Variants in CFAP299 observed in about 807,000 individuals in gnomAD.
CFAP299 encodes the protein cilia- and flagella-associated protein 299.
Under a neutral mutation model 27.0 loss-of-function variants are expected in CFAP299, and 21 were observed. The ratio of observed to expected loss-of-function variants is 0.78; its 90% CI spans 0.55 to 1.12. The LOEUF is 1.12. Ranked by LOEUF, CFAP299 falls within the 50% of genes most tolerant of loss-of-function variation. The pLI, the probability that CFAP299 is intolerant of heterozygous loss-of-function variation, is 0.00. For missense variants in CFAP299, 310 were observed against 276.6 expected (o/e 1.12, Z -0.86); for synonymous variants, 104 against 98.1 (o/e 1.06, Z -0.36).
At chr4:80,925,877 A>G (rs981981884) in intron 4 of CFAP299, among the ~76,000 whole-genome samples, 4 of 152,094 alleles carry the variant, frequency 2.6e-5, no homozygotes, top group Non-Finnish European at 4.4e-5. Context: ...AAATAGTCCA[A>G]TAAGGTGTTG....
At chr4:80,516,188 T>C (rs1440091328) in intron 2 of CFAP299, among the ~76,000 whole-genome samples, 3 of 151,850 alleles carry the variant, frequency 2.0e-5, no homozygotes, top group East Asian at 1.9e-4. Flanking sequence ...GCCTGGCTAA[T>C]GTTTGTATTT....
chr4:80,621,140 AC>A (rs1352328400), intron 3 of CFAP299, among the ~76,000 whole-genome samples: 4 of 152,076 alleles, frequency 2.6e-5, no homozygotes, highest in African/African-American at 9.7e-5. Context: ...TTAGTATATA[AC>A]AAAAAATAGA....
chr4:80,387,220 CG>C (rs1725062862), intron 2 of CFAP299: 5 of 1,445,180 alleles, frequency 3.5e-6, no homozygotes, highest in African/African-American at 1.4e-5. Flanking sequence ...GGTCGTACAT[CG>C]GGGGTAAGTC....
chr4:80,388,252 G>T, intron 2 of CFAP299: 2 of 691,084 alleles, frequency 2.9e-6, no homozygotes, highest in Non-Finnish European at 5.4e-6. Context: ...GCGGGCCCTA[G>T]GGCATGGGCT....
intron 2 of CFAP299, among the ~76,000 whole-genome samples, chr4:80,397,023 G>A (rs1289811523): frequency 1.3e-5 from 2 of 152,012 alleles, no homozygotes; most frequent in Admixed American, 6.6e-5. Context: ...ACTTTTTTTG[G>A]TTGGTAGGCT....
At chr4:80,673,167 A>G (rs913322852) in intron 3 of CFAP299, among the ~76,000 whole-genome samples, 4 of 152,060 alleles carry the variant, frequency 2.6e-5, no homozygotes, top group African/African-American at 9.7e-5. Flanking sequence ...ACTTCCCTCT[A>G]CACACTGTTT....
chr4:80,935,422 T>C (rs888539014), intron 4 of CFAP299, among the ~76,000 whole-genome samples: 6 of 152,148 alleles, frequency 3.9e-5, no homozygotes, highest in Admixed American at 2.6e-4. Flanking sequence ...ACTGTGACTA[T>C]CTTATCTTTG....
At chr4:80,574,323 ATTTG>A (rs1422412873) in intron 2 of CFAP299, among the ~76,000 whole-genome samples, 13 of 152,238 alleles carry the variant, frequency 8.5e-5, no homozygotes, top group African/African-American at 2.9e-4. Flanking sequence ...ACATTACTGA[ATTTG>A]TTTATCAGTT....
chr4:80,835,465 G>A (rs1730512864), intron 3 of CFAP299, among the ~76,000 whole-genome samples: 1 of 149,654 alleles, frequency 6.7e-6, no homozygotes. Context: ...ACACAACTGA[G>A]TATAGCACCC....
intron 5 of CFAP299, among the ~76,000 whole-genome samples, chr4:80,952,792 C>T (rs776444938): frequency 4.7e-4 from 72 of 152,160 alleles, no homozygotes; most frequent in Middle Eastern, 3.4e-3. Context: ...GCAACCCCCA[C>T]GCAAGCACTT....
At chr4:80,652,835 A>G (rs1275497618) in intron 3 of CFAP299, among the ~76,000 whole-genome samples, 1 of 152,108 alleles carries the variant, frequency 6.6e-6, no homozygotes, top group Non-Finnish European at 1.5e-5. Flanking sequence ...CCCCAGCGTC[A>G]TACAAATAAA....
chr4:80,642,482 T>G (rs1739774367), intron 3 of CFAP299, among the ~76,000 whole-genome samples: 1 of 152,090 alleles, frequency 6.6e-6, no homozygotes, highest in South Asian at 2.1e-4. Context: ...ACAAAAATAG[T>G]TGGCCAGGCG....
chr4:80,904,829 A>G (rs1006593289), intron 4 of CFAP299, among the ~76,000 whole-genome samples: 1 of 152,200 alleles, frequency 6.6e-6, no homozygotes, highest in African/African-American at 2.4e-5. Flanking sequence ...TCAAACTGGT[A>G]TTTCTTCTCC....
At position 80,706,997 on chromosome 4, in the gene CFAP299, C is replaced by A. The variant is rs189642246; in HGVS notation, c.333+123814C>A. 5.9e-5 allele frequency among the ~76,000 whole-genome samples: 9 copies of A among 152,046 alleles called. 1 individual carries two copies. Among genetic ancestry groups the A allele is most frequent in the Non-Finnish European group, 1.3e-4 (9 of 67,880 alleles). Reference sequence around the variant, plus strand: ...CAATAGGGAACACTGCCTCAAGTTGCCAATAAAGGCTTTGTAGGACTGTTG... The same window carrying A: ...CAATAGGGAACACTGCCTCAAGTTGACAATAAAGGCTTTGTAGGACTGTTG... On this transcript the variant is annotated intron_variant, in intron 3 of 5. Transcript: ENST00000358105.
intron 1 of CFAP299, 132 bp downstream of exon 1, chr4:80,336,011 G>A (rs1722122022): frequency 4.7e-6 from 3 of 636,720 alleles, no homozygotes; most frequent in Non-Finnish European, 8.3e-6. Flanking sequence ...TCGGGACCGC[G>A]ACACTAAAGC....
intron 5 of CFAP299, among the ~76,000 whole-genome samples, chr4:80,957,324 T>G (rs1276403024): frequency 6.6e-6 from 1 of 152,202 alleles, no homozygotes; most frequent in Admixed American, 6.5e-5. Flanking sequence ...AAGTGCTGAA[T>G]TTTCTCAGCC....
intron 3 of CFAP299, among the ~76,000 whole-genome samples, chr4:80,843,420 T>A (rs1730976479): frequency 6.6e-6 from 1 of 152,164 alleles, no homozygotes; most frequent in Non-Finnish European, 1.5e-5. Context: ...TCATCCTTTT[T>A]AAGGCTGCAT....
intron 4 of CFAP299, among the ~76,000 whole-genome samples, chr4:80,933,910 G>A (rs1289280096): frequency 6.6e-6 from 1 of 151,968 alleles, no homozygotes; most frequent in East Asian, 1.9e-4. Context: ...AAGTTTGAAG[G>A]TCTTCTATTT....
At chr4:80,626,080 T>C (rs530272640) in intron 3 of CFAP299, among the ~76,000 whole-genome samples, 2 of 152,058 alleles carry the variant, frequency 1.3e-5, no homozygotes, top group East Asian at 1.9e-4. Flanking sequence ...AGCTGCAGAA[T>C]ATATATTATT....
Sources: allele counts gnomAD v4.1 joint callset (sites outside exome capture counted in the v4.1 genomes callset), GRCh38; gene constraint gnomAD v4.1.1; transcripts MANE v1.5; gene names NCBI Gene and HGNC (gene_info 2026-07-23, HGNC 2026-07-21).